The following PARL variants were observed in gnomAD, a reference collection of about 807,000 sequenced individuals.
PARL encodes presenilin-associated rhomboid-like protein, mitochondrial.
Under a neutral mutation model 51.6 loss-of-function variants are expected in PARL, and 44 were observed. That is an observed-to-expected ratio of 0.85 (90% CI 0.67 to 1.10). The LOEUF (loss-of-function observed/expected upper bound fraction) is 1.10, where lower values mean the gene tolerates loss of function less well. Ranked by LOEUF, PARL falls within the 50% of genes least tolerant of loss-of-function variation. The pLI is 0.00. For missense variants in PARL, 441 were observed against 469.5 expected (o/e 0.94, Z 0.56); for synonymous variants, 172 against 164.0 (o/e 1.05, Z -0.37).
chr3:183,828,707 C>T (rs1024839173), downstream of PARL, among the ~76,000 whole-genome samples: 2 of 152,154 alleles, frequency 1.3e-5, no homozygotes, highest in African/African-American at 2.4e-5. Flanking sequence ...AACCTGAGTC[C>T]GATCGGCCAC....
chr3:183,869,247 C>T (rs1286533887), intron 1 of PARL, among the ~76,000 whole-genome samples: 2 of 152,244 alleles, frequency 1.3e-5, no homozygotes, highest in East Asian at 3.9e-4. Context: ...TATTCTGCCA[C>T]CCAGGCTGGA....
intron 4 of PARL, chr3:183,844,553 G>C: frequency 4.0e-6 from 2 of 504,576 alleles, no homozygotes; most frequent in Non-Finnish European, 7.1e-6. Flanking sequence ...AATGCTCTGG[G>C]AGCTAACTTC....
At chr3:183,840,038 A>T (rs998192717) in intron 7 of PARL, among the ~76,000 whole-genome samples, 3 of 152,198 alleles carry the variant, frequency 2.0e-5, no homozygotes, top group East Asian at 1.9e-4. Flanking sequence ...CCTAAGAAAA[A>T]TTTTTTTAAG....
chr3:183,840,025 C>T (rs1428624054), intron 7 of PARL, among the ~76,000 whole-genome samples: 1 of 152,170 alleles, frequency 6.6e-6, no homozygotes, highest in East Asian at 1.9e-4. Context: ...CCACTGCATC[C>T]AGCCTAAGAA....
At position 183,844,272 on chromosome 3, in the gene PARL, T is replaced by C; in HGVS notation, c.566A>G (p.Gln189Arg). ...VFCLWRVPSL[Q>R]RTMIRYFTSN... ...TGTGAAATATCTGATCATTGTCCGCTGCAGAGAAGGTACTCTCCATAAACA... is the reference window on the plus strand; with the variant it reads ...TGTGAAATATCTGATCATTGTCCGCCGCAGAGAAGGTACTCTCCATAAACA... Residue 189 changes from glutamine (Q) to arginine (R), a missense_variant, in exon 5 of 10, where the codon CAG (glutamine) becomes CGG (arginine). Transcript: ENST00000317096. The C allele has an allele frequency of 2.5e-6, 4 of 1,609,614 alleles. No homozygotes were observed. Among genetic ancestry groups the C allele is most frequent in the Middle Eastern group, 3.6e-4 (2 of 5,556 alleles).
At chr3:183,882,235 AT>A in intron 1 of PARL, among the ~76,000 whole-genome samples, 3 of 24,382 alleles carry the variant, frequency 1.2e-4, no homozygotes, top group Admixed American at 1.0e-3. Context: ...ATATATATAT[AT>A]ATATATATTT....
At chr3:183,865,013 A>C (rs1204708253) in intron 3 of PARL, among the ~76,000 whole-genome samples, 1 of 150,394 alleles carries the variant, frequency 6.6e-6, no homozygotes, top group East Asian at 2.0e-4. Flanking sequence ...AACGTTTAAA[A>C]CTCCTCTTGG....
chr3:183,847,315 T>C (rs1281890375), intron 4 of PARL, among the ~76,000 whole-genome samples: 1 of 152,146 alleles, frequency 6.6e-6, no homozygotes, highest in African/African-American at 2.4e-5. Context: ...TCCTAGCACT[T>C]TGGGAGGTCC....
rs1729691507 is a variant in PARL, at chr3:183,844,298, G to A, written c.540C>T (p.Phe180=). The A allele has an allele frequency of 6.2e-7, 1 of 1,604,920 alleles. No individual in the cohort carries two copies. The highest frequency in any genetic ancestry group is 1.3e-5 in the African/African-American group (1 of 74,686). Residue 180 remains phenylalanine (F), a synonymous_variant, in exon 5 of 10, where the codon TTC becomes TTT. Transcript: ENST00000317096. ...GCAGAGAAGGTACTCTCCATAAACA[G>A]AATACAAGGACATTTGCAGCTATAA... ...TGIIAANVLV[F]CLWRVPSLQR...
chr3:183,836,698 T>G (rs2108593920), intron 7 of PARL, among the ~76,000 whole-genome samples: 1 of 152,308 alleles, frequency 6.6e-6, no homozygotes, highest in Middle Eastern at 3.4e-3. Context: ...TATGTACTGG[T>G]TATATACCTG....
At chr3:183,843,172 C>T in intron 5 of PARL, 3 of 981,384 alleles carry the variant, frequency 3.1e-6, no homozygotes, top group Non-Finnish European at 3.6e-6. Context: ...ATGTGAGTCA[C>T]TATGCCCAGC....
chr3:183,834,567 G>A (rs938728483), intron 7 of PARL, among the ~76,000 whole-genome samples: 4 of 152,134 alleles, frequency 2.6e-5, no homozygotes, highest in East Asian at 1.9e-4. Flanking sequence ...GTAAGTTGTC[G>A]CCAGGGGTAG....
At chr3:183,833,256 C>T (rs553856053) in intron 9 of PARL, among the ~76,000 whole-genome samples, 5 of 152,284 alleles carry the variant, frequency 3.3e-5, no homozygotes, top group African/African-American at 1.2e-4. Flanking sequence ...GTTGGGGCAA[C>T]TTAAGGTTAA....
At chr3:183,857,903 G>A (rs1731351572) in intron 4 of PARL, among the ~76,000 whole-genome samples, 1 of 152,180 alleles carries the variant, frequency 6.6e-6, no homozygotes, top group African/African-American at 2.4e-5. Flanking sequence ...CTAGAAAAGT[G>A]AAAAGGACAT....
intron 4 of PARL, among the ~76,000 whole-genome samples, chr3:183,848,444 T>C (rs1243683744): frequency 3.3e-5 from 5 of 152,174 alleles, no homozygotes; most frequent in African/African-American, 1.2e-4. Flanking sequence ...GGTTTCACCA[T>C]GTCAGCCAGG....
Position 183,829,737 on chromosome 3 carries a change from T to C in PARL, c.1029-28A>G, listed in dbSNP as rs763723542. 3.2e-6 allele frequency: 5 copies of C among 1,565,126 alleles called. No homozygotes were observed. In the South Asian group the frequency reaches 5.6e-5, roughly 17 times the overall value. Reference sequence around the variant, plus strand: ...GGAGAAAAACAAACCAGGTCCGACATTCAAACAGTGTGACATACAAATGGT... The same window carrying C: ...GGAGAAAAACAAACCAGGTCCGACACTCAAACAGTGTGACATACAAATGGT... On this transcript the variant is annotated intron_variant, in intron 9 of 9. Transcript: ENST00000317096.
chr3:183,832,511 AC>A (rs1461022941), intron 9 of PARL, among the ~76,000 whole-genome samples: 1 of 151,946 alleles, frequency 6.6e-6, no homozygotes, highest in Non-Finnish European at 1.5e-5. Flanking sequence ...GAGCCACTGC[AC>A]CTGGCCAGAA....
At chr3:183,852,019 G>A (rs1730600527) in intron 4 of PARL, among the ~76,000 whole-genome samples, 1 of 152,108 alleles carries the variant, frequency 6.6e-6, no homozygotes, top group Non-Finnish European at 1.5e-5. Context: ...AATTAGCCAG[G>A]TGTGGTGGCG....
At chr3:183,855,422 G>A (rs937958543) in intron 4 of PARL, among the ~76,000 whole-genome samples, 2 of 152,148 alleles carry the variant, frequency 1.3e-5, no homozygotes. Flanking sequence ...GATTACAAGT[G>A]TGGGCCACCA....
Sources: gnomAD v4.1 joint callset for allele counts (sites outside exome capture counted in the v4.1 genomes callset) on GRCh38, gnomAD v4.1.1 for gene constraint, MANE v1.5 for transcripts, NCBI Gene and HGNC (gene_info 2026-07-23, HGNC 2026-07-21) for gene names.